The following NEB variants were observed in gnomAD, a reference collection of about 807,000 sequenced individuals.
NEB encodes nebulin, also known as nemaline myopathy type 2.
Under a neutral mutation model 952.2 loss-of-function variants are expected in NEB, and 512 were observed. The ratio of observed to expected loss-of-function variants is 0.54; its 90% CI spans 0.50 to 0.58. NEB has a LOEUF of 0.58. Ranked by LOEUF, NEB falls within the 20% of genes least tolerant of loss-of-function variation. The pLI, the probability that NEB is intolerant of heterozygous loss-of-function variation, is 0.00. For missense variants in NEB, 8,428 were observed against 9,231.1 expected, an observed-to-expected ratio of 0.91 and a Z score of 3.56; for synonymous variants, 2,900 against 3,149.8, an observed-to-expected ratio of 0.92 and a Z score of 2.66.
Position 151,610,118 on chromosome 2 carries a change from G to A in NEB, c.12021C>T (p.Tyr4007=), listed in dbSNP as rs114116625. 1.2e-6 allele frequency: 2 copies of A among 1,602,414 alleles called. No homozygotes were observed. Among genetic ancestry groups the A allele is most frequent in the African/African-American group, 1.3e-5 (1 of 74,380 alleles). ...GTTTCTCATAGGCTTCCTTGTATTTGTACTAAAATGCCAGAAATACAGGTG... is the reference window on the plus strand; with the variant it reads ...GTTTCTCATAGGCTTCCTTGTATTTATACTAAAATGCCAGAAATACAGGTG... ...AKASRDIASD[Y]KYKEAYEKQK... Residue 4007 remains tyrosine, a splice_region_variant and synonymous_variant, in exon 81 of 182, where the codon TAC becomes TAT. Transcript: ENST00000397345.
Position 151,562,661 on chromosome 2 carries a change from C to T in NEB, c.18841G>A (p.Glu6281Lys), listed in dbSNP as rs762135216. 1 of 1,598,228 alleles carries T rather than the reference C, an allele frequency of 6.3e-7. No homozygotes were observed. The highest frequency in any genetic ancestry group is 2.3e-5 in the East Asian group (1 of 44,434). The change falls in exon 120 of 182, where the codon GAA becomes AAA. Residue 6281 changes from glutamate (E) to lysine (K), a missense_variant. Glu to Lys is a moderately conservative substitution (Grantham distance 56). This residue lies in a region of NEB where 3,374 missense variants were observed against 3,651.5 expected (regional missense o/e 0.92). Coordinates refer to ENST00000397345, the MANE Select transcript of NEB (RefSeq NM_001164508.2). ...CGGACGCGTATAACATTGGGTTCTT[C>T]CAGAAGAGACGTCCACTGGTGGAAA... Reference protein sequence around the residue: ...HYFHQWTSLLEEPNVIRVRNA... With the variant: ...HYFHQWTSLLKEPNVIRVRNA...
At chr2:151,523,763 C>T (rs528353486) in intron 153 of NEB, among the ~76,000 whole-genome samples, 1 of 152,334 alleles carries the variant, frequency 6.6e-6, no homozygotes, top group Non-Finnish European at 1.5e-5. Context: ...CATCAGCACC[C>T]TGTGCATACC....
rs191354245 is a variant in NEB at position 151,583,944 on chromosome 2, T to G, written c.15664-178A>C. 3.7e-4 allele frequency among the ~76,000 whole-genome samples: 47 copies of G among 127,644 alleles called. 14 individuals carry two copies. In the East Asian group the frequency reaches 0.015, roughly 40 times the overall value. The allele number at this position is 127,644 out of a possible 152,430, so 83.7% of individuals were successfully genotyped here. On this transcript the variant is annotated intron_variant, in intron 100 of 181. Transcript: ENST00000397345. Reference sequence around the variant, plus strand: ...AGTTAGATAATACGATTTTGGGTCATTTCAGAGAGGACATGAGTAAATCAG... The same window carrying G: ...AGTTAGATAATACGATTTTGGGTCAGTTCAGAGAGGACATGAGTAAATCAG...
intron 161 of NEB, among the ~76,000 whole-genome samples, chr2:151,512,105 A>G (rs901871028): frequency 1.4e-4 from 19 of 136,344 alleles, no homozygotes; most frequent in Admixed American, 7.7e-4. Context: ...ATCTCGGCTC[A>G]CTGCAAGCTC....
At chr2:151,678,255 T>C (rs1234095864) in intron 32 of NEB, 68 bp from the exon 33 acceptor site, 7 of 1,019,860 alleles carry the variant, frequency 6.9e-6, no homozygotes, top group East Asian at 5.0e-5. Context: ...AATGAGGCCA[T>C]GATTTGAAGT....
intron 38 of NEB, among the ~76,000 whole-genome samples, chr2:151,670,096 A>G (rs1037107233): frequency 2.6e-5 from 4 of 152,200 alleles, no homozygotes; most frequent in Non-Finnish European, 5.9e-5. Context: ...CAGTTTGCCT[A>G]GCTAACTGGA....
intron 176 of NEB, chr2:151,492,991 A>ATAAAG (rs1408623032): frequency 4.4e-6 from 1 of 228,810 alleles, no homozygotes; most frequent in African/African-American, 2.3e-5. Context: ...TACCCATGTC[A>ATAAAG]TAAAGTATCT....
chr2:151,615,818 G>A, intron 76 of NEB, 184 bp downstream of exon 76: 1 of 509,776 alleles, frequency 2.0e-6, no homozygotes, highest in Non-Finnish European at 3.4e-6. Flanking sequence ...ATTGATTGAT[G>A]GGTATAATGG....
intron 28 of NEB, among the ~76,000 whole-genome samples, chr2:151,683,183 A>G (rs2099439905): frequency 6.6e-6 from 1 of 152,176 alleles, no homozygotes; most frequent in Admixed American, 6.5e-5. Context: ...TCATTTTCTA[A>G]TTTCCTAATT....
intron 119 of NEB, among the ~76,000 whole-genome samples, chr2:151,563,337 C>T (rs972673487): frequency 1.3e-5 from 2 of 152,050 alleles, no homozygotes; most frequent in Non-Finnish European, 2.9e-5. Context: ...CCTTTTATAA[C>T]ACAGGGTAAA....
At chr2:151,666,808 C>T (rs1487735701) in intron 40 of NEB, among the ~76,000 whole-genome samples, 2 of 151,974 alleles carry the variant, frequency 1.3e-5, no homozygotes, top group Non-Finnish European at 2.9e-5. Context: ...GGGGCCCTCC[C>T]TCCTCAGCTT....
intron 165 of NEB, among the ~76,000 whole-genome samples, chr2:151,504,669 A>T (rs79767074): frequency 0.015 from 2,259 of 152,288 alleles, 80 homozygotes; most frequent in East Asian, 0.14. Context: ...TTGGCCATAA[A>T]CTATTTCCCA....
rs375569766 is a variant in NEB at position 151,677,999 on chromosome 2, C to T, written c.3444G>A (p.Ala1148=). 6.4e-5 allele frequency: 103 copies of T among 1,613,824 alleles called. No individual in the cohort carries two copies. The highest frequency in any genetic ancestry group is 2.8e-4 in the Admixed American group (17 of 59,998). Residue 1148 remains alanine (A), a synonymous_variant, in exon 33 of 182, where the codon GCG becomes GCA. Coordinates refer to ENST00000397345, the MANE Select transcript of NEB (RefSeq NM_001164508.2). ...TGACCACATCCTGGGCTTTCTTAGC[C>T]GCCACGACATTGAACATATCATGGG... ...NTPHDMFNVV[A]AKKAQDVVSN...
chr2:151,491,582 A>G (rs2056672080), intron 179 of NEB, 101 bp downstream of exon 179: 1 of 1,001,238 alleles, frequency 1.0e-6, no homozygotes, highest in Non-Finnish European at 1.5e-6. Flanking sequence ...AGAAAATGGA[A>G]AACTCTGGAG....
At chr2:151,724,793 T>C in intron 7 of NEB, 64 bp downstream of exon 7, 2 of 1,395,814 alleles carry the variant, frequency 1.4e-6, no homozygotes, top group Non-Finnish European at 2.0e-6. Context: ...TTTTCTCCTA[T>C]AAGACAATGC....
intron 13 of NEB, among the ~76,000 whole-genome samples, chr2:151,705,615 T>C (rs986763194): frequency 6.6e-6 from 1 of 152,054 alleles, no homozygotes. Flanking sequence ...AAAAGACACA[T>C]GCATAAGCAT....
chr2:151,727,702 G>T lies in NEB; in HGVS notation c.283C>A (p.Leu95Ile), dbSNP rs1021687758. The T allele has an allele frequency of 1.1e-5, 17 of 1,612,414 alleles. 1 individual carries two copies. Among genetic ancestry groups the T allele is most frequent in the African/African-American group, 2.7e-5 (2 of 74,890 alleles). The change falls in exon 5 of 182, where the codon CTT becomes ATT. Residue 95 changes from leucine to isoleucine, a missense_variant. Physicochemically the swap from Leu to Ile is conservative, Grantham distance 5. Coordinates refer to ENST00000397345, the MANE Select transcript of NEB (RefSeq NM_001164508.2). ...YIAHSQKMQD[L>I]FSPNKYKEKF... ...TGTTTGAAACTTACTGGGCTAAAAA[G>T]ATCCTGCATTTTCTGACTGTGTGCA...
intron 121 of NEB, 138 bp from the exon 122 acceptor site, chr2:151,561,450 T>A: frequency 1.6e-6 from 1 of 642,708 alleles, no homozygotes. Flanking sequence ...CATTCTAGAG[T>A]CCTGCAGACT....
intron 13 of NEB, among the ~76,000 whole-genome samples, chr2:151,704,875 T>C (rs1404930467): frequency 6.6e-6 from 1 of 152,144 alleles, no homozygotes; most frequent in African/African-American, 2.4e-5. Context: ...TATTCGGCCA[T>C]CTTGGCTCCT....
Sources: gnomAD v4.1 joint callset for allele counts (sites outside exome capture counted in the v4.1 genomes callset) on GRCh38, gnomAD v4.1.1 for gene constraint, gnomAD v4.1.1 regional missense constraint, MANE v1.5 for transcripts, NCBI Gene and HGNC (gene_info 2026-07-23, HGNC 2026-07-21) for gene names.